Variants in GPHN observed in about 807,000 individuals in gnomAD.
The protein encoded by GPHN is gephyrin.
A neutral mutation model predicts 95.5 loss-of-function variants in GPHN; 17 were observed. The observed-to-expected ratio is 0.18, with a 90% CI of 0.12 to 0.27. The LOEUF is 0.27. Among genes scored for constraint, GPHN ranks in the 10% least tolerant of loss-of-function variants. The pLI is 1.00. For missense variants in GPHN, 660 were observed against 978.1 expected, an observed-to-expected ratio of 0.67 and a Z score of 4.34; for synonymous variants, 320 against 322.5, an observed-to-expected ratio of 0.99 and a Z score of 0.08.
At chr14:66,638,462 A>G (rs1188142998) in intron 1 of GPHN, among the ~76,000 whole-genome samples, 1 of 151,070 alleles carries the variant, frequency 6.6e-6, no homozygotes, top group African/African-American at 2.5e-5. Flanking sequence ...AACGACAACA[A>G]CAACAACAAA....
chr14:66,666,603 A>G (rs1469666024), intron 1 of GPHN, among the ~76,000 whole-genome samples: 1 of 152,116 alleles, frequency 6.6e-6, no homozygotes, highest in African/African-American at 2.4e-5. Context: ...AAAAACTCTG[A>G]CCAAACTAGA....
chr14:66,946,623 T>C (rs904603794), intron 8 of GPHN, among the ~76,000 whole-genome samples: 1 of 152,180 alleles, frequency 6.6e-6, no homozygotes, highest in Non-Finnish European at 1.5e-5. Flanking sequence ...CAGGCTGGTC[T>C]CGAACTCCTG....
intron 2 of GPHN, among the ~76,000 whole-genome samples, chr14:66,757,537 G>A (rs893066140): frequency 6.6e-5 from 10 of 152,166 alleles, no homozygotes; most frequent in African/African-American, 1.2e-4. Flanking sequence ...TAACAAGCGC[G>A]TACCACCCTG....
At position 67,089,129 on chromosome 14, in the gene GPHN, TTTTC is replaced by T. The variant is rs1473226901; in HGVS notation, c.1237+58_1237+61del. On this transcript the variant is annotated intron_variant, in intron 12 of 22. Transcript: ENST00000478722. ...TCAGGCACTGTATTTTTTTTTCTTT[TTTTC>T]TTTTTTTTTTTTTTTTTTTTTTTTT... The T allele has an allele frequency of 9.0e-4, 429 of 476,446 alleles. 7 individuals are homozygous for T. The African/African-American group carries it at 9.5e-3, about 11-fold the overall frequency. 29.5% of individuals were successfully genotyped at this position (476,446 alleles called of 1,614,324 possible). A position where few individuals can be genotyped will look rare whatever the true frequency, so the allele number is the denominator to read the frequency against.
At chr14:66,704,819 A>G (rs2068904719) in intron 2 of GPHN, among the ~76,000 whole-genome samples, 1 of 152,192 alleles carries the variant, frequency 6.6e-6, no homozygotes, top group Non-Finnish European at 1.5e-5. Context: ...AGATCAGAGC[A>G]GAATTGAAGG....
At chr14:67,187,199 C>T in the GPHN span, among the ~76,000 whole-genome samples, 2 of 152,068 alleles carry the variant, frequency 1.3e-5, no homozygotes, top group African/African-American at 4.8e-5. Context: ...TAGGAAGGTA[C>T]TGAAAATTTA....
intron 1 of GPHN, among the ~76,000 whole-genome samples, chr14:66,671,562 T>A (rs956842493): frequency 8.5e-5 from 13 of 152,306 alleles, no homozygotes; most frequent in African/African-American, 3.1e-4. Context: ...AATCATTGTT[T>A]TGGCTTATAA....
At chr14:67,221,864 C>G in the GPHN span, 2 of 1,595,974 alleles carry the variant, frequency 1.3e-6, no homozygotes, top group Non-Finnish European at 1.7e-6. Flanking sequence ...CAGTAGTCAT[C>G]TCTGGTTCCT....
intron 18 of GPHN, among the ~76,000 whole-genome samples, chr14:67,150,502 G>C (rs1010761193): frequency 7.1e-6 from 1 of 141,114 alleles, no homozygotes; most frequent in Non-Finnish European, 1.5e-5. Flanking sequence ...ATAATTATTT[G>C]ATTTTGTTGA....
the GPHN span, among the ~76,000 whole-genome samples, chr14:67,441,531 A>C: frequency 4.6e-5 from 7 of 152,238 alleles, no homozygotes; most frequent in East Asian, 1.4e-3. Flanking sequence ...CTCAGTAGAC[A>C]CAGGGCCCTG....
intron 10 of GPHN, among the ~76,000 whole-genome samples, chr14:67,027,710 AT>A (rs11329838): frequency 0.32 from 48,415 of 151,916 alleles, 12,116 homozygotes; most frequent in African/African-American, 0.68. Flanking sequence ...ACTTTTCTAG[AT>A]TTTTTTAGTA....
At chr14:67,575,259 G>A in the GPHN span, 11 of 608,592 alleles carry the variant, frequency 1.8e-5, no homozygotes, top group East Asian at 3.1e-4. Flanking sequence ...GGTTCCATTA[G>A]TAGGGAGCCC....
intron 1 of GPHN, among the ~76,000 whole-genome samples, chr14:66,639,797 C>T (rs1376191366): frequency 1.3e-5 from 2 of 151,706 alleles, no homozygotes; most frequent in African/African-American, 4.8e-5. Flanking sequence ...ATTTATATAT[C>T]TAAATTGATT....
chr14:67,206,461 A>C, the GPHN span, among the ~76,000 whole-genome samples: 1 of 152,064 alleles, frequency 6.6e-6, no homozygotes, highest in Admixed American at 6.6e-5. Context: ...GTGCCATTGC[A>C]CTCCAGCCTG....
chr14:67,184,319 C>CG (rs2083357581), downstream of GPHN, among the ~76,000 whole-genome samples: 1 of 152,080 alleles, frequency 6.6e-6, no homozygotes, highest in Admixed American at 6.6e-5. Context: ...TGATCAGGGA[C>CG]GTATCATGAT....
chr14:67,072,961 T>C (rs891667472), intron 11 of GPHN, among the ~76,000 whole-genome samples: 9 of 152,138 alleles, frequency 5.9e-5, no homozygotes. Flanking sequence ...AGTATCATAG[T>C]TGGCATATTG....
chr14:67,146,614 A>G (rs1046365581), intron 18 of GPHN, among the ~76,000 whole-genome samples: 1 of 152,240 alleles, frequency 6.6e-6, no homozygotes, highest in Non-Finnish European at 1.5e-5. Flanking sequence ...CACATAGATG[A>G]TAACCGATCA....
At chr14:66,894,453 C>A (rs548269558) in intron 5 of GPHN, among the ~76,000 whole-genome samples, 5 of 152,152 alleles carry the variant, frequency 3.3e-5, no homozygotes, top group Non-Finnish European at 5.9e-5. Flanking sequence ...TAGGCATGGG[C>A]AAAGACTTCA....
chr14:66,733,087 G>A (rs2071934611), intron 2 of GPHN, among the ~76,000 whole-genome samples: 1 of 152,140 alleles, frequency 6.6e-6, no homozygotes, highest in Non-Finnish European at 1.5e-5. Context: ...CATGTGTCCA[G>A]GGAAGGAGAT....
Sources: allele counts gnomAD v4.1 joint callset (sites outside exome capture counted in the v4.1 genomes callset), GRCh38; gene constraint gnomAD v4.1.1; transcripts MANE v1.5; gene names NCBI Gene and HGNC (gene_info 2026-07-23, HGNC 2026-07-21).